GALNT13: variants seen among roughly 807,000 people sequenced by gnomAD.
The protein encoded by GALNT13 is UDP-GalNAc:polypeptide N-acetylgalactosaminyltransferase 13.
In GALNT13, 28 loss-of-function variants were observed where a neutral mutation model predicts 64.2. That is an observed-to-expected ratio of 0.44 (90% CI 0.32 to 0.60). GALNT13 has a LOEUF of 0.60. GALNT13 is among the 20% of genes least tolerant of loss of function. The pLI is 0.05. For synonymous variants in GALNT13, 214 were observed against 224.6 expected (o/e 0.95, Z 0.42); for missense variants, 577 against 669.8 (o/e 0.86, Z 1.53).
At chr2:153,369,387 T>G in the GALNT13 span, among the ~76,000 whole-genome samples, 1 of 151,952 alleles carries the variant, frequency 6.6e-6, no homozygotes, top group Non-Finnish European at 1.5e-5. Context: ...TTTGAAAATA[T>G]TACTAATATT....
the GALNT13 span, among the ~76,000 whole-genome samples, chr2:153,126,220 A>G: frequency 2.7e-5 from 4 of 150,368 alleles, no homozygotes; most frequent in Non-Finnish European, 5.9e-5. Context: ...TTAGGAATCT[A>G]TTTTTTTATG....
intron 9 of GALNT13, among the ~76,000 whole-genome samples, chr2:154,385,704 T>C (rs1698480786): frequency 6.6e-6 from 1 of 152,034 alleles, no homozygotes; most frequent in Admixed American, 6.6e-5. Flanking sequence ...GTTTATCTGT[T>C]GTTCCAGTAC....
At chr2:153,316,376 C>T in the GALNT13 span, among the ~76,000 whole-genome samples, 1 of 152,104 alleles carries the variant, frequency 6.6e-6, no homozygotes, top group Non-Finnish European at 1.5e-5. Context: ...GGCATGGTGG[C>T]TCAAGCCTGT....
At chr2:153,410,285 G>C in the GALNT13 span, among the ~76,000 whole-genome samples, 2 of 151,722 alleles carry the variant, frequency 1.3e-5, no homozygotes, top group Non-Finnish European at 2.9e-5. Flanking sequence ...GGGAGAGAAA[G>C]GAGTCTCACT....
At chr2:153,401,758 T>A in the GALNT13 span, among the ~76,000 whole-genome samples, 4 of 149,634 alleles carry the variant, frequency 2.7e-5, no homozygotes, top group African/African-American at 9.8e-5. Context: ...CCCCTGCCTT[T>A]TTTTGTTTTC....
chr2:154,297,338 CAG>C (rs1162516968), intron 8 of GALNT13, among the ~76,000 whole-genome samples: 1 of 152,100 alleles, frequency 6.6e-6, no homozygotes, highest in Non-Finnish European at 1.5e-5. Context: ...GCCGCGGAAA[CAG>C]AGAGAGGGCT....
At chr2:153,576,870 G>A in the GALNT13 span, among the ~76,000 whole-genome samples, 1 of 151,924 alleles carries the variant, frequency 6.6e-6, no homozygotes, top group Non-Finnish European at 1.5e-5. Flanking sequence ...ATAAACAGAA[G>A]TAGCATAAAT....
intron 9 of GALNT13, among the ~76,000 whole-genome samples, chr2:154,359,104 T>G (rs988366682): frequency 2.0e-5 from 3 of 152,080 alleles, no homozygotes; most frequent in African/African-American, 7.2e-5. Flanking sequence ...TTTCATTTAC[T>G]TCTATGTGTA....
intron 3 of GALNT13, among the ~76,000 whole-genome samples, chr2:153,994,508 G>A (rs1282236168): frequency 1.3e-5 from 2 of 152,148 alleles, no homozygotes; most frequent in South Asian, 2.1e-4. Context: ...TTCCACAATG[G>A]TTGAACTAGT....
At chr2:153,770,148 T>A in the GALNT13 span, among the ~76,000 whole-genome samples, 1 of 151,184 alleles carries the variant, frequency 6.6e-6, no homozygotes, top group Non-Finnish European at 1.5e-5. Flanking sequence ...TTTTTTCCTA[T>A]TTTTAGAGTT....
At chr2:153,678,311 A>C in the GALNT13 span, among the ~76,000 whole-genome samples, 1 of 152,074 alleles carries the variant, frequency 6.6e-6, no homozygotes, top group Admixed American at 6.6e-5. Context: ...AGATAAATAA[A>C]ATGTGGTACA....
the GALNT13 span, among the ~76,000 whole-genome samples, chr2:153,530,197 G>C: frequency 1.3e-5 from 2 of 151,684 alleles, no homozygotes; most frequent in South Asian, 4.1e-4. Flanking sequence ...ATTCAGCAAA[G>C]TAGGACAAAA....
At chr2:153,161,390 G>A in the GALNT13 span, among the ~76,000 whole-genome samples, 4 of 152,078 alleles carry the variant, frequency 2.6e-5, no homozygotes, top group African/African-American at 9.7e-5. Flanking sequence ...CTGCCTTTGT[G>A]GATATGATTT....
At chr2:154,358,148 C>T (rs944659290) in intron 9 of GALNT13, among the ~76,000 whole-genome samples, 1 of 152,076 alleles carries the variant, frequency 6.6e-6, no homozygotes, top group Non-Finnish European at 1.5e-5. Context: ...ATGTGCTACA[C>T]ATATATACAT....
At chr2:153,375,892 G>C in the GALNT13 span, among the ~76,000 whole-genome samples, 1 of 152,180 alleles carries the variant, frequency 6.6e-6, no homozygotes, top group Non-Finnish European at 1.5e-5. Flanking sequence ...CGTGGTGCCA[G>C]TGTCTGCTTC....
At chr2:153,670,924 G>A in the GALNT13 span, among the ~76,000 whole-genome samples, 1 of 152,144 alleles carries the variant, frequency 6.6e-6, no homozygotes, top group Non-Finnish European at 1.5e-5. Context: ...TTCAATAGCT[G>A]ATTTGATTAA....
the GALNT13 span, among the ~76,000 whole-genome samples, chr2:153,144,042 A>T: frequency 6.6e-6 from 1 of 151,938 alleles, no homozygotes; most frequent in African/African-American, 2.4e-5. Context: ...GTCCTTTGCC[A>T]CCTCTAGCTC....
chr2:154,233,338 T>C (rs1395979014), intron 4 of GALNT13, among the ~76,000 whole-genome samples: 1 of 152,134 alleles, frequency 6.6e-6, no homozygotes, highest in East Asian at 1.9e-4. Flanking sequence ...GTAGACATAA[T>C]AACGAAGTTC....
the GALNT13 span, among the ~76,000 whole-genome samples, chr2:153,099,535 G>C: frequency 1.3e-5 from 2 of 152,156 alleles, no homozygotes; most frequent in African/African-American, 2.4e-5. Flanking sequence ...AATGCATTTA[G>C]AAAGATTTTA....
Sources: gnomAD v4.1 joint callset for allele counts (sites outside exome capture counted in the v4.1 genomes callset) on GRCh38, gnomAD v4.1.1 for gene constraint, MANE v1.5 for transcripts, NCBI Gene and HGNC (gene_info 2026-07-23, HGNC 2026-07-21) for gene names.